CECR2: variants seen among roughly 807,000 people sequenced by gnomAD.
CECR2 encodes the protein chromatin remodeling regulator CECR2.
CECR2 carries 30 observed loss-of-function variants against 154.5 expected under a neutral mutation model. The ratio of observed to expected loss-of-function variants is 0.19; its 90% CI spans 0.15 to 0.26. The LOEUF (loss-of-function observed/expected upper bound fraction) is 0.26. Among genes scored for constraint, CECR2 ranks in the 10% least tolerant of loss-of-function variants. The pLI, the probability that CECR2 is intolerant of heterozygous loss-of-function variation, is 1.00. For synonymous variants in CECR2, 725 were observed against 683.7 expected, an observed-to-expected ratio of 1.06 and a Z score of -0.94; for missense variants, 1,743 against 1,829.3, an observed-to-expected ratio of 0.95 and a Z score of 0.86.
intron 1 of CECR2, among the ~76,000 whole-genome samples, chr22:17,474,803 T>C (rs1956942603): frequency 6.6e-6 from 1 of 152,214 alleles, no homozygotes; most frequent in South Asian, 2.1e-4. Flanking sequence ...TCCCAGTTCT[T>C]AGCTTATCTT....
In CECR2 at chr22:17,552,774, G is replaced by GTTTTTTTTTTTTTTTTT. The variant is rs695569; in HGVS notation, c.4390-48_4390-47insTTTTTTTTTTTTTTTTT. The stretch of plus-strand genomic sequence containing the variant: ...CTTGGACATTCTTTGGCTTACTTAA[G>GTTTTTTTTTTTTTTTTT]TTTTTTTTTTTTTAACAACCCAATT... On this transcript the variant is annotated intron_variant, in intron 18 of 18. Coordinates refer to ENST00000262608, the MANE Select transcript of CECR2 (RefSeq NM_001290047.2). 4,492 of 936,536 alleles carry GTTTTTTTTTTTTTTTTT rather than the reference G, an allele frequency of 4.8e-3. 120 individuals carry two copies. The highest frequency in any genetic ancestry group is 9.8e-3 in the African/African-American group (420 of 43,068). 58.0% of individuals were successfully genotyped at this position (936,536 alleles called of 1,614,324 possible).
chr22:17,461,095 C>T (rs576225018), intron 1 of CECR2, among the ~76,000 whole-genome samples: 42 of 152,312 alleles, frequency 2.8e-4, no homozygotes, highest in African/African-American at 8.7e-4. Flanking sequence ...TGGGTTTCCC[C>T]GGTCGTGCTG....
chr22:17,408,494 GCC>G (rs1208093092), intron 1 of CECR2, among the ~76,000 whole-genome samples: 1 of 152,024 alleles, frequency 6.6e-6, no homozygotes, highest in Non-Finnish European at 1.5e-5. Flanking sequence ...TGAAATTCTA[GCC>G]CACATGTTGT....
intron 1 of CECR2, among the ~76,000 whole-genome samples, chr22:17,381,984 T>C (rs1452438505): frequency 6.6e-6 from 1 of 151,312 alleles, no homozygotes; most frequent in African/African-American, 2.4e-5. Context: ...GCCTCCTGGG[T>C]TCACCCCATT....
intron 9 of CECR2, among the ~76,000 whole-genome samples, chr22:17,528,235 A>G (rs1420825389): frequency 6.6e-6 from 1 of 152,238 alleles, no homozygotes; most frequent in African/African-American, 2.4e-5. Flanking sequence ...ATAAAAACAG[A>G]AAGATGCAGT....
At chr22:17,518,577 C>A in intron 8 of CECR2, 1 of 325,094 alleles carries the variant, frequency 3.1e-6, no homozygotes, top group East Asian at 8.6e-5. Flanking sequence ...GTCTTCCTTC[C>A]ATTGCAGCTG....
chr22:17,455,505 A>G (rs1337095020), intron 1 of CECR2, among the ~76,000 whole-genome samples: 1 of 152,134 alleles, frequency 6.6e-6, no homozygotes, highest in East Asian at 1.9e-4. Flanking sequence ...GACCCACTTT[A>G]TAGTTCATGG....
chr22:17,549,402 C>A lies in CECR2; in HGVS notation c.4115C>A (p.Pro1372His). ...AYSSPVAALP[P>H]HHPGATQPNG... Reference sequence around the variant, plus strand: ...TCTTCCCCTGTGGCTGCCCTCCCACCTCACCACCCAGGGGCCACCCAGCCC... The same window carrying A: ...TCTTCCCCTGTGGCTGCCCTCCCACATCACCACCCAGGGGCCACCCAGCCC... Residue 1372 changes from proline to histidine, a missense_variant, in exon 17 of 19, where the codon CCT (proline) becomes CAT (histidine). Pro to His is a moderately conservative substitution (Grantham distance 77, BLOSUM62 -2). Around this residue, in one of 4 missense-constraint regions of CECR2, gnomAD observed 1,250 missense variants for 1,192.1 expected, o/e 1.05. Transcript: ENST00000262608. 6.2e-7 allele frequency: 1 copy of A among 1,613,846 alleles called. No homozygotes were observed. Among genetic ancestry groups the A allele is most frequent in the Non-Finnish European group, 8.5e-7 (1 of 1,179,838 alleles).
At chr22:17,510,625 G>T (rs1240619866) in intron 7 of CECR2, among the ~76,000 whole-genome samples, 5 of 151,974 alleles carry the variant, frequency 3.3e-5, no homozygotes, top group African/African-American at 7.3e-5. Context: ...TTTTTGAGAT[G>T]GAGTCTCGCT....
chr22:17,539,557 C>A (rs1286543479), intron 13 of CECR2, among the ~76,000 whole-genome samples: 1 of 152,010 alleles, frequency 6.6e-6, no homozygotes, highest in Non-Finnish European at 1.5e-5. Flanking sequence ...GATACATATA[C>A]CTAATGTAAA....
intron 1 of CECR2, among the ~76,000 whole-genome samples, chr22:17,416,259 A>G (rs111748647): frequency 0.013 from 2,010 of 152,332 alleles, 45 homozygotes; most frequent in African/African-American, 0.046. Flanking sequence ...CACTTCCTTA[A>G]AATGATTACT....
chr22:17,537,197 T>G lies in CECR2; in HGVS notation c.1203T>G (p.Asn401Lys). The G allele has an allele frequency of 1.2e-6, 2 of 1,613,918 alleles. No homozygotes were observed. The highest frequency in any genetic ancestry group is 8.5e-7 in the Non-Finnish European group (1 of 1,179,848). Residue 401 changes from asparagine (N) to lysine (K), a missense_variant, in exon 10 of 19, where the codon AAT becomes AAG. By Grantham distance (94) the Asn-to-Lys change is moderately conservative (BLOSUM62 0). This residue lies in a region of CECR2 where 292 missense variants were observed against 301.2 expected (regional missense o/e 0.97). Coordinates refer to ENST00000262608, the MANE Select transcript of CECR2 (RefSeq NM_001290047.2). Reference sequence around the variant, plus strand: ...CAGAACTTTCCCATCTGGACCCCAATTCCCCCATGAGAGAGGAAAAAAAGA... The same window carrying G: ...CAGAACTTTCCCATCTGGACCCCAAGTCCCCCATGAGAGAGGAAAAAAAGA... ...LPPELSHLDP[N>K]SPMREEKKTK... is the part of the protein sequence containing the mutation.
At chr22:17,393,992 A>G in intron 1 of CECR2, among the ~76,000 whole-genome samples, 1 of 150,932 alleles carries the variant, frequency 6.6e-6, no homozygotes, top group Non-Finnish European at 1.5e-5. Context: ...GGTTCAAGCA[A>G]TTCTCCTGCC....
intron 1 of CECR2, among the ~76,000 whole-genome samples, chr22:17,370,420 GGCTCCCGGAGGCCCCAA>G (rs2063044259): frequency 6.6e-6 from 1 of 151,614 alleles, no homozygotes; most frequent in Non-Finnish European, 1.5e-5. Context: ...GCGTGGCAGG[GGCTCCCGGAGGCCCCAA>G]GCTCCCGGGA....
At chr22:17,434,441 A>G (rs1292351422) in intron 1 of CECR2, among the ~76,000 whole-genome samples, 1 of 152,230 alleles carries the variant, frequency 6.6e-6, no homozygotes, top group Non-Finnish European at 1.5e-5. Context: ...TGATGCAGGC[A>G]GTGCAAGAAT....
chr22:17,464,702 A>G (rs1241977434), intron 1 of CECR2, among the ~76,000 whole-genome samples: 1 of 151,964 alleles, frequency 6.6e-6, no homozygotes, highest in Non-Finnish European at 1.5e-5. Context: ...AGATCTCACA[A>G]AGTTGCCAGG....
At chr22:17,544,809 C>CAAAAAA (rs67994839) in intron 16 of CECR2, among the ~76,000 whole-genome samples, 4 of 45,620 alleles carry the variant, frequency 8.8e-5, no homozygotes, top group Non-Finnish European at 1.5e-4. Flanking sequence ...GACTCTGTCT[C>CAAAAAA]AAAAAAAAAA....
upstream of CECR2, among the ~76,000 whole-genome samples, chr22:17,368,206 G>C (rs1228337539): frequency 6.6e-6 from 1 of 152,168 alleles, no homozygotes; most frequent in East Asian, 1.9e-4. Flanking sequence ...TAATTATCCA[G>C]ACAGCCCATT....
rs566560897 is a variant in CECR2 at position 17,417,486 on chromosome 22, A to T, written c.126+47577A>T. On this transcript the variant is annotated intron_variant, in intron 1 of 18. Coordinates refer to ENST00000262608, the MANE Select transcript of CECR2 (RefSeq NM_001290047.2). ...AGTTTACTACTTGTGGCCTGAAAAA[A>T]AATTTTTTTTAAATTGATACAGGAT... 3.0e-3 allele frequency among the ~76,000 whole-genome samples: 455 copies of T among 152,212 alleles called. 2 individuals are homozygous for T. Among genetic ancestry groups the T allele is most frequent in the African/African-American group, 0.01 (429 of 41,514 alleles).
Sources: allele counts gnomAD v4.1 joint callset (sites outside exome capture counted in the v4.1 genomes callset), GRCh38; gene constraint gnomAD v4.1.1; regional missense constraint gnomAD v4.1.1; transcripts MANE v1.5; gene names NCBI Gene and HGNC (gene_info 2026-07-23, HGNC 2026-07-21).